Variants in SAMSN1 observed in about 807,000 individuals in gnomAD.
The protein encoded by SAMSN1 is SAM domain-containing protein SAMSN-1.
Under a neutral mutation model 42.0 loss-of-function variants are expected in SAMSN1, and 31 were observed. The observed-to-expected ratio is 0.74, with a 90% CI of 0.55 to 1.00. The LOEUF is 1.00. SAMSN1 is among the 50% of genes least tolerant of loss of function. SAMSN1 has a pLI of 0.00. For synonymous variants in SAMSN1, 178 were observed against 151.9 expected (o/e 1.17, Z -1.26); for missense variants, 464 against 439.4 (o/e 1.06, Z -0.50).
intron 1 of SAMSN1, among the ~76,000 whole-genome samples, chr21:14,538,915 T>A (rs1280325628): frequency 6.6e-6 from 1 of 152,204 alleles, no homozygotes. Flanking sequence ...AAAATAACAA[T>A]GGTACTTGAA....
chr21:14,616,102 T>C (rs2123333365), intron 2 of SAMSN1: 2 of 426,116 alleles, frequency 4.7e-6, no homozygotes, highest in Middle Eastern at 1.3e-3. Context: ...AGAGAATTCA[T>C]TCATTTTCTA....
intron 5 of SAMSN1, among the ~76,000 whole-genome samples, chr21:14,507,244 G>C (rs1482118661): frequency 6.6e-6 from 1 of 152,178 alleles, no homozygotes; most frequent in Non-Finnish European, 1.5e-5. Context: ...TGAAGATGAA[G>C]TCAAACTGTC....
Position 14,602,235 on chromosome 21 carries a change from G to C in SAMSN1, c.323-136C>G, listed in dbSNP as rs1982456082. On this transcript the variant is annotated intron_variant, in intron 5 of 15. Coordinates refer to the SAMSN1 transcript ENST00000647101. Reference sequence around the variant, plus strand: ...GGCTACGTCAAAAATATTTTTTTTTGTTAAATATATGCTATTTTTCTTTTT... The same window carrying C: ...GGCTACGTCAAAAATATTTTTTTTTCTTAAATATATGCTATTTTTCTTTTT... The C allele has an allele frequency of 3.9e-5, 13 of 337,046 alleles. No homozygotes were observed. The East Asian group carries it at 5.4e-4, about 14-fold the overall frequency. 20.9% of individuals were successfully genotyped at this position (337,046 alleles called of 1,614,324 possible).
chr21:14,517,507 A>G (rs1987969432), intron 2 of SAMSN1, among the ~76,000 whole-genome samples: 1 of 152,178 alleles, frequency 6.6e-6, no homozygotes, highest in Admixed American at 6.5e-5. Flanking sequence ...AATTGAGATG[A>G]TTGTGGTTAT....
intron 6 of SAMSN1, among the ~76,000 whole-genome samples, chr21:14,595,968 C>T (rs1273698476): frequency 6.6e-6 from 1 of 152,120 alleles, no homozygotes; most frequent in Non-Finnish European, 1.5e-5. Flanking sequence ...CCAAATAAGT[C>T]CTCTCAATCT....
chr21:14,545,491 A>C (rs755297044), intron 1 of SAMSN1, among the ~76,000 whole-genome samples: 11 of 152,066 alleles, frequency 7.2e-5, no homozygotes, highest in Non-Finnish European at 1.2e-4. Context: ...GTTATTAATA[A>C]ATCTAGAGTT....
intron 2 of SAMSN1, among the ~76,000 whole-genome samples, chr21:14,562,063 C>T (rs1406648405): frequency 6.6e-6 from 1 of 152,216 alleles, no homozygotes; most frequent in East Asian, 1.9e-4. Context: ...GTTATGGCAG[C>T]CTTGGAAAAC....
At chr21:14,582,993 A>G (rs1981799186) in intron 1 of SAMSN1, among the ~76,000 whole-genome samples, 1 of 152,164 alleles carries the variant, frequency 6.6e-6, no homozygotes, top group Admixed American at 6.5e-5. Flanking sequence ...CTACCAAGAG[A>G]TGTATGGATG....
chr21:14,628,895 ATACTAT>A (rs1464517988), intron 2 of SAMSN1, among the ~76,000 whole-genome samples: 1 of 152,218 alleles, frequency 6.6e-6, no homozygotes, highest in African/African-American at 2.4e-5. Flanking sequence ...TGTAGGGTTG[ATACTAT>A]TACAATTAAC....
intron 6 of SAMSN1, among the ~76,000 whole-genome samples, 166 bp from the exon 7 acceptor site, chr21:14,498,758 T>G (rs919595579): frequency 1.3e-5 from 2 of 152,228 alleles, no homozygotes; most frequent in Non-Finnish European, 2.9e-5. Context: ...ACTCCAGGGC[T>G]CTTAAATGAT....
At chr21:14,621,455 AC>A (rs1263277129) in intron 2 of SAMSN1, among the ~76,000 whole-genome samples, 2 of 152,112 alleles carry the variant, frequency 1.3e-5, no homozygotes, top group Non-Finnish European at 2.9e-5. Context: ...CTAATACTGC[AC>A]TTTTCCAACA....
intron 6 of SAMSN1, among the ~76,000 whole-genome samples, chr21:14,601,659 T>G (rs1156242274): frequency 6.6e-6 from 1 of 152,192 alleles, no homozygotes; most frequent in Non-Finnish European, 1.5e-5. Context: ...GGCTAATTAA[T>G]GCAGTTTTGA....
chr21:14,656,415 AAAT>A, intron 1 of SAMSN1, among the ~76,000 whole-genome samples: 1 of 151,972 alleles, frequency 6.6e-6, no homozygotes, highest in South Asian at 2.1e-4. Flanking sequence ...GCAGCATTTC[AAAT>A]TATTGAAGAA....
intron 1 of SAMSN1, among the ~76,000 whole-genome samples, chr21:14,545,677 A>T (rs915568758): frequency 3.3e-5 from 5 of 152,154 alleles, no homozygotes; most frequent in Admixed American, 3.3e-4. Context: ...TAGTAATAAC[A>T]TTAGTTCGAG....
chr21:14,533,783 G>T (rs997961355), intron 1 of SAMSN1, among the ~76,000 whole-genome samples: 1 of 152,156 alleles, frequency 6.6e-6, no homozygotes, highest in African/African-American at 2.4e-5. Context: ...CCCTACACAG[G>T]ACACCAGATC....
chr21:14,570,602 G>T (rs966181506), intron 2 of SAMSN1, among the ~76,000 whole-genome samples: 15 of 152,306 alleles, frequency 9.8e-5, no homozygotes, highest in Non-Finnish European at 5.9e-5. Context: ...CACAAGAGAT[G>T]ACTTTTGAAA....
intron 3 of SAMSN1, among the ~76,000 whole-genome samples, chr21:14,515,528 G>A (rs1414347767): frequency 6.6e-6 from 1 of 152,040 alleles, no homozygotes; most frequent in Non-Finnish European, 1.5e-5. Flanking sequence ...AAATTTAAGA[G>A]ACTATTGGCC....
rs147486582 is a variant in SAMSN1, at chr21:14,514,908, A to G, written c.279+1984T>C. On this transcript the variant is annotated intron_variant, in intron 3 of 7. Coordinates refer to ENST00000400566, the MANE Select transcript of SAMSN1 (RefSeq NM_022136.5). ...ATAGCTAGAGATATAGTTGTGAAAA[A>G]CAAAATCATGAGAGTAGATGAGCTG... Among the ~76,000 whole-genome samples the G allele has an allele frequency of 5.3e-5, 8 of 152,304 alleles. No homozygotes were observed. In the East Asian group the frequency reaches 1.2e-3, roughly 22 times the overall value.
rs532918356 is a variant in SAMSN1, at chr21:14,569,549, C to T, written c.261+12587G>A. 1.9e-3 allele frequency among the ~76,000 whole-genome samples: 288 copies of T among 152,142 alleles called. 1 individual carries two copies. The highest frequency in any genetic ancestry group is 3.3e-3 in the Non-Finnish European group (227 of 68,014). Reference sequence around the variant, plus strand: ...CCAGATTTTTTCTGTTAACCCAAGCCCACACAGCCAGCAAAACTCCCAAGA... The same window carrying T: ...CCAGATTTTTTCTGTTAACCCAAGCTCACACAGCCAGCAAAACTCCCAAGA... On this transcript the variant is annotated intron_variant, in intron 2 of 8. Transcript: ENST00000285670.
Sources: allele counts gnomAD v4.1 joint callset (sites outside exome capture counted in the v4.1 genomes callset), GRCh38; gene constraint gnomAD v4.1.1; transcripts MANE v1.5; gene names NCBI Gene and HGNC (gene_info 2026-07-23, HGNC 2026-07-21).